The following LRBA variants were observed in gnomAD, a reference collection of about 807,000 sequenced individuals.
The protein encoded by LRBA is LPS responsive beige-like anchor protein.
A neutral mutation model predicts 330.0 loss-of-function variants in LRBA; 176 were observed. The observed-to-expected ratio is 0.53, with a 90% CI of 0.47 to 0.60. LRBA has a LOEUF of 0.60. Among genes scored for constraint, LRBA ranks in the 20% least tolerant of loss-of-function variants. LRBA has a pLI of 0.00. For synonymous variants in LRBA, 1,230 were observed against 1,193.0 expected, an observed-to-expected ratio of 1.03 and a Z score of -0.64; for missense variants, 3,259 against 3,444.8, an observed-to-expected ratio of 0.95 and a Z score of 1.35.
chr4:150,631,058 G>A, intron 37 of LRBA, among the ~76,000 whole-genome samples: 1 of 151,824 alleles, frequency 6.6e-6, no homozygotes, highest in East Asian at 1.9e-4. Flanking sequence ...CAAGAGTTTT[G>A]TAAAGTTAGA....
At chr4:150,570,480 C>G (rs890530238) in intron 40 of LRBA, among the ~76,000 whole-genome samples, 2 of 152,052 alleles carry the variant, frequency 1.3e-5, no homozygotes, top group Non-Finnish European at 1.5e-5. Context: ...AAAAATATGA[C>G]AAGCATTGCA....
chr4:150,910,815 C>G (rs1731907764), intron 9 of LRBA, among the ~76,000 whole-genome samples: 1 of 152,130 alleles, frequency 6.6e-6, no homozygotes, highest in Non-Finnish European at 1.5e-5. Context: ...TTGTTTCGGT[C>G]TCTTAAATTT....
intron 36 of LRBA, among the ~76,000 whole-genome samples, chr4:150,729,771 A>G (rs1730190713): frequency 6.6e-6 from 1 of 152,222 alleles, no homozygotes; most frequent in South Asian, 2.1e-4. Flanking sequence ...TAACCAAAAC[A>G]GAATGGTATT....
intron 47 of LRBA, among the ~76,000 whole-genome samples, chr4:150,378,409 A>G (rs1741691440): frequency 6.6e-6 from 1 of 152,246 alleles, no homozygotes; most frequent in South Asian, 2.1e-4. Context: ...TCATGTTTCC[A>G]GATGAAAATG....
At chr4:150,784,902 G>A (rs1738818516) in intron 34 of LRBA, among the ~76,000 whole-genome samples, 2 of 152,162 alleles carry the variant, frequency 1.3e-5, no homozygotes, top group Non-Finnish European at 2.9e-5. Flanking sequence ...CTTTACAGAG[G>A]GCTTTTGAAA....
intron 34 of LRBA, among the ~76,000 whole-genome samples, chr4:150,763,173 C>T (rs1462871095): frequency 6.6e-6 from 1 of 151,874 alleles, no homozygotes; most frequent in Non-Finnish European, 1.5e-5. Context: ...TAGTCACTGG[C>T]TAGAACTAGC....
intron 36 of LRBA, among the ~76,000 whole-genome samples, chr4:150,699,084 A>T (rs1345480160): frequency 1.3e-5 from 2 of 152,194 alleles, no homozygotes; most frequent in African/African-American, 4.8e-5. Context: ...GAGGCAGGAA[A>T]AAAGGGTAAC....
At chr4:150,624,168 C>G (rs1438489269) in intron 37 of LRBA, among the ~76,000 whole-genome samples, 1 of 152,076 alleles carries the variant, frequency 6.6e-6, no homozygotes, top group Non-Finnish European at 1.5e-5. Context: ...TAACTGCATT[C>G]TCATGGTTTC....
At chr4:150,346,739 C>T (rs963361809) in intron 48 of LRBA, among the ~76,000 whole-genome samples, 15 of 98,864 alleles carry the variant, frequency 1.5e-4, no homozygotes, top group Admixed American at 5.0e-4. Context: ...AGCCTGGCAA[C>T]AATGTGAGAC....
chr4:150,961,507 G>A lies in LRBA; in HGVS notation c.217-32442C>T, dbSNP rs571360336. ...TTGATATATTTCAAAAGATTTAACA[G>A]CTGCAGAAAATGAGTTTCAAAAACA... On this transcript the variant is annotated intron_variant, in intron 2 of 56. Coordinates refer to ENST00000651943, the MANE Select transcript of LRBA (RefSeq NM_001364905.1). Among the ~76,000 whole-genome samples the A allele has an allele frequency of 2.0e-5, 3 of 149,256 alleles. 1 individual carries two copies. The highest frequency in any genetic ancestry group is 7.7e-5 in the African/African-American group (3 of 38,760).
chr4:150,687,496 T>A (rs540064061), intron 36 of LRBA, among the ~76,000 whole-genome samples: 5 of 152,036 alleles, frequency 3.3e-5, no homozygotes, highest in Non-Finnish European at 7.4e-5. Context: ...ATAAACTAGA[T>A]AATATAACAT....
At chr4:150,359,070 T>C (rs1374893022) in intron 47 of LRBA, among the ~76,000 whole-genome samples, 2 of 152,150 alleles carry the variant, frequency 1.3e-5, no homozygotes, top group East Asian at 1.9e-4. Flanking sequence ...AAAACTTGAA[T>C]TAAAAAAAAG....
chr4:150,534,255 C>A (rs891990555), intron 40 of LRBA, among the ~76,000 whole-genome samples: 1 of 150,462 alleles, frequency 6.6e-6, no homozygotes, highest in African/African-American at 2.4e-5. Context: ...CAAATGTATA[C>A]ATTATTGTTC....
intron 14 of LRBA, 37 bp downstream of exon 14, chr4:150,900,012 A>G (rs1472869052): frequency 6.8e-7 from 1 of 1,462,802 alleles, no homozygotes; most frequent in Non-Finnish European, 9.3e-7. Flanking sequence ...CCTGATTTGC[A>G]TTTGTGTAAA....
chr4:150,343,719 C>T (rs1735895326), intron 48 of LRBA, among the ~76,000 whole-genome samples: 1 of 152,142 alleles, frequency 6.6e-6, no homozygotes, highest in African/African-American at 2.4e-5. Context: ...TCTCTCTCCA[C>T]AAACACACAG....
intron 40 of LRBA, among the ~76,000 whole-genome samples, chr4:150,557,977 AACCTCC>A (rs1359145178): frequency 2.0e-5 from 3 of 152,126 alleles, no homozygotes; most frequent in Non-Finnish European, 4.4e-5. Flanking sequence ...GGCTCACTGC[AACCTCC>A]ACCTCCCAGG....
At chr4:150,800,238 T>A (rs1056431629) in intron 33 of LRBA, among the ~76,000 whole-genome samples, 3 of 152,220 alleles carry the variant, frequency 2.0e-5, no homozygotes, top group Admixed American at 6.5e-5. Context: ...ATTTCATAGT[T>A]CGGTTTGAAC....
rs1358411332 is a variant in LRBA at position 150,264,585 on chromosome 4, T to TAGAGA, written c.*1132_*1136dup. The TAGAGA allele has an allele frequency of 6.6e-6, 1 of 152,418 alleles. No homozygotes were observed. The highest frequency in any genetic ancestry group is 1.5e-5 in the Non-Finnish European group (1 of 68,048). 9.4% of individuals were successfully genotyped at this position (152,418 alleles called of 1,614,324 possible). Reference sequence around the variant, plus strand: ...ATTGTTCATTCCAAATCCTTGCTTTTAGAGAAGAGCTGAGTGTGTAGGAAA... The same window carrying TAGAGA: ...ATTGTTCATTCCAAATCCTTGCTTTTAGAGAAGAGAAGAGCTGAGTGTGTAGGAAA... On this transcript the variant is annotated 3_prime_UTR_variant, in exon 57 of 57. Coordinates refer to ENST00000651943, the MANE Select transcript of LRBA (RefSeq NM_001364905.1).
At chr4:150,697,435 A>T (rs1784748571) in intron 36 of LRBA, among the ~76,000 whole-genome samples, 1 of 151,822 alleles carries the variant, frequency 6.6e-6, no homozygotes, top group African/African-American at 2.4e-5. Context: ...TGTAGAAAAT[A>T]AAAGAGGTCA....
Sources: allele counts gnomAD v4.1 joint callset (sites outside exome capture counted in the v4.1 genomes callset), GRCh38; gene constraint gnomAD v4.1.1; transcripts MANE v1.5; gene names NCBI Gene and HGNC (gene_info 2026-07-23, HGNC 2026-07-21).